The following WNT3A variants were observed in gnomAD, a reference collection of about 807,000 sequenced individuals.
WNT3A encodes Wnt family member 3A, also known as protein Wnt-3a.
Under a neutral mutation model 37.0 loss-of-function variants are expected in WNT3A, and 17 were observed. That is an observed-to-expected ratio of 0.46 (90% CI 0.31 to 0.69). The LOEUF is 0.69. Ranked by LOEUF, WNT3A falls within the 30% of genes least tolerant of loss-of-function variation. WNT3A has a pLI of 0.05. For missense variants in WNT3A, 411 were observed against 510.2 expected, an observed-to-expected ratio of 0.81 and a Z score of 1.87; for synonymous variants, 187 against 211.0, an observed-to-expected ratio of 0.89 and a Z score of 0.99.
intron 3 of WNT3A, among the ~76,000 whole-genome samples, chr1:228,056,383 C>G (rs1167283579): frequency 6.6e-6 from 1 of 152,098 alleles, no homozygotes; most frequent in East Asian, 1.9e-4. Context: ...AGATAAAACA[C>G]TATATCCATG....
chr1:228,057,905 A>G (rs1374249120), intron 3 of WNT3A, among the ~76,000 whole-genome samples: 2 of 152,140 alleles, frequency 1.3e-5, no homozygotes, highest in South Asian at 2.1e-4. Context: ...CAGTGGCGCA[A>G]TCTCCGCTCA....
At chr1:228,029,742 C>CG (rs1305187735) in intron 2 of WNT3A, among the ~76,000 whole-genome samples, 1 of 140,998 alleles carries the variant, frequency 7.1e-6, no homozygotes, top group East Asian at 2.2e-4. Flanking sequence ...TTGTGCCCAC[C>CG]CCCCCCCCAA....
chr1:228,047,695 G>C (rs1364516371), intron 2 of WNT3A, among the ~76,000 whole-genome samples: 1 of 152,196 alleles, frequency 6.6e-6, no homozygotes, highest in African/African-American at 2.4e-5. Context: ...TGCACAGGAA[G>C]TGTGGCTCTT....
At chr1:228,009,072 C>G (rs2030293458) in intron 1 of WNT3A, among the ~76,000 whole-genome samples, 1 of 152,180 alleles carries the variant, frequency 6.6e-6, no homozygotes. Flanking sequence ...TAGAACCCCA[C>G]CTGACACTGA....
intron 1 of WNT3A, among the ~76,000 whole-genome samples, chr1:228,010,061 C>T (rs2030324555): frequency 6.6e-6 from 1 of 152,232 alleles, no homozygotes; most frequent in African/African-American, 2.4e-5. Context: ...CATGAGGCCA[C>T]AGACGGCAGG....
At chr1:228,023,210 A>C (rs1028076092) in intron 2 of WNT3A, among the ~76,000 whole-genome samples, 4 of 152,232 alleles carry the variant, frequency 2.6e-5, no homozygotes, top group African/African-American at 9.6e-5. Context: ...CCAGGCTTGC[A>C]GAGGAAATAC....
intron 2 of WNT3A, among the ~76,000 whole-genome samples, chr1:228,025,831 C>A (rs902229692): frequency 6.6e-6 from 1 of 152,112 alleles, no homozygotes; most frequent in Non-Finnish European, 1.5e-5. Flanking sequence ...AGTGCAGTGG[C>A]ACCATCTCAG....
At chr1:228,011,660 T>C (rs899111326) in intron 1 of WNT3A, among the ~76,000 whole-genome samples, 3 of 152,234 alleles carry the variant, frequency 2.0e-5, no homozygotes, top group African/African-American at 7.2e-5. Flanking sequence ...TCTCTGTCTT[T>C]CTGTCTTTTG....
At chr1:228,032,393 A>G (rs906723854) in intron 2 of WNT3A, among the ~76,000 whole-genome samples, 1 of 152,206 alleles carries the variant, frequency 6.6e-6, no homozygotes, top group African/African-American at 2.4e-5. Flanking sequence ...GCTGAATGCA[A>G]AGCCCCAAAG....
intron 1 of WNT3A, among the ~76,000 whole-genome samples, chr1:228,015,407 A>G (rs2030495861): frequency 6.6e-6 from 1 of 152,142 alleles, no homozygotes; most frequent in Non-Finnish European, 1.5e-5. Flanking sequence ...AATTCCAGCC[A>G]CTCAGCTGTG....
At chr1:228,015,477 A>G (rs1352170168) in intron 1 of WNT3A, among the ~76,000 whole-genome samples, 1 of 152,192 alleles carries the variant, frequency 6.6e-6, no homozygotes, top group Admixed American at 6.5e-5. Flanking sequence ...TGGCAGTGAG[A>G]GGGGAGAGGG....
chr1:228,029,682 T>C (rs2030949180), intron 2 of WNT3A, among the ~76,000 whole-genome samples: 1 of 152,034 alleles, frequency 6.6e-6, no homozygotes, highest in African/African-American at 2.4e-5. Context: ...CCTGGGCCCC[T>C]GGCTGCCACC....
intron 3 of WNT3A, among the ~76,000 whole-genome samples, chr1:228,055,174 AAAAAAATATATATATAT>A (rs1404526283): frequency 6.5e-4 from 42 of 64,808 alleles, no homozygotes; most frequent in Non-Finnish European, 1.0e-3. Flanking sequence ...AAAAAAAAAA[AAAAAAATATATATATAT>A]ATATATATAT....
rs1327085181 is a variant in WNT3A at position 228,038,940 on chromosome 1, G to T, written c.314-11716G>T. ...CTTGGGGGACAGAGGGCATTTTTTTGTCACAGTGGAGGTGAGAACTTCCCG... is the reference window on the plus strand; with the variant it reads ...CTTGGGGGACAGAGGGCATTTTTTTTTCACAGTGGAGGTGAGAACTTCCCG... On this transcript the variant is annotated intron_variant, in intron 2 of 3. Transcript: ENST00000284523. The surrounding 1 kb of genome is among the most constrained non-coding windows in gnomAD (Gnocchi z 5.7). Among the ~76,000 whole-genome samples the T allele has an allele frequency of 2.6e-5, 4 of 152,112 alleles. No individual in the cohort carries two copies. The highest frequency in any genetic ancestry group is 5.9e-5 in the Non-Finnish European group (4 of 67,994).
intron 3 of WNT3A, among the ~76,000 whole-genome samples, chr1:228,058,763 G>GC (rs931512738): frequency 6.6e-6 from 1 of 152,236 alleles, no homozygotes; most frequent in Non-Finnish European, 1.5e-5. Context: ...GAAGAGGGGA[G>GC]CCCCCCAAGC....
intron 2 of WNT3A, among the ~76,000 whole-genome samples, chr1:228,040,521 C>A (rs920776125): frequency 1.3e-5 from 2 of 152,114 alleles, no homozygotes; most frequent in Non-Finnish European, 2.9e-5. Context: ...GGCAACTGAG[C>A]AACTTTAGTG....
In WNT3A at chr1:228,022,845, C is replaced by T. The variant is rs757565394; in HGVS notation, c.250C>T (p.Arg84Cys). ...GGAGTGCCAGCACCAGTTCCGCGGC[C>T]GCCGGTGGAACTGCACCACCGTCCA... Reference protein sequence around the residue: ...IQECQHQFRGRRWNCTTVHDS... With the variant: ...IQECQHQFRGCRWNCTTVHDS... The change falls in exon 2 of 4, where the codon CGC becomes TGC. Residue 84 changes from arginine to cysteine, a missense_variant. Coordinates refer to ENST00000284523, the MANE Select transcript of WNT3A (RefSeq NM_033131.4). The T allele has an allele frequency of 8.7e-6, 14 of 1,613,822 alleles. No individual in the cohort carries two copies. Among genetic ancestry groups the T allele is most frequent in the Non-Finnish European group, 1.1e-5 (13 of 1,180,004 alleles).
chr1:228,052,215 C>A (rs2031570137), intron 3 of WNT3A, among the ~76,000 whole-genome samples: 1 of 152,324 alleles, frequency 6.6e-6, no homozygotes, highest in African/African-American at 2.4e-5. Flanking sequence ...ACCATCTCAG[C>A]TCACTGCAGC....
chr1:228,025,919 T>C (rs1274862705), intron 2 of WNT3A, among the ~76,000 whole-genome samples: 6 of 145,814 alleles, frequency 4.1e-5, no homozygotes, highest in Non-Finnish European at 7.4e-5. Flanking sequence ...GGCTAATTTT[T>C]TGTATTTTTT....
Sources: gnomAD v4.1 joint callset for allele counts (sites outside exome capture counted in the v4.1 genomes callset) on GRCh38, gnomAD v4.1.1 for gene constraint, Gnocchi (gnomAD v3.1) non-coding constraint, MANE v1.5 for transcripts, NCBI Gene and HGNC (gene_info 2026-07-23, HGNC 2026-07-21) for gene names.